CTNNA2: variants seen among roughly 807,000 people sequenced by gnomAD.
CTNNA2 encodes catenin alpha-2.
In CTNNA2, 42 loss-of-function variants were observed where a neutral mutation model predicts 101.0. That is an observed-to-expected ratio of 0.42 (90% CI 0.32 to 0.54). The LOEUF (loss-of-function observed/expected upper bound fraction) is 0.54, where lower values mean the gene tolerates loss of function less well. CTNNA2 is among the 20% of genes least tolerant of loss of function. CTNNA2 has a pLI of 0.14. For missense variants in CTNNA2, 871 were observed against 1,223.1 expected, an observed-to-expected ratio of 0.71 and a Z score of 4.29; for synonymous variants, 450 against 456.4, an observed-to-expected ratio of 0.99 and a Z score of 0.18.
intron 2 of CTNNA2, among the ~76,000 whole-genome samples, chr2:79,221,150 G>T (rs13016661): frequency 0.13 from 1,635 of 12,400 alleles, 26 homozygotes; most frequent in African/African-American, 0.24. Flanking sequence ...AATTTGTTTT[G>T]TTTTTGTTGT....
chr2:80,085,979 G>A (rs1029709072), intron 7 of CTNNA2, among the ~76,000 whole-genome samples: 1 of 152,066 alleles, frequency 6.6e-6, no homozygotes, highest in Admixed American at 6.6e-5. Flanking sequence ...GTATAGCTCT[G>A]TATTTAGATG....
chr2:79,350,377 CAT>C (rs1186393063), intron 3 of CTNNA2, among the ~76,000 whole-genome samples: 1 of 152,118 alleles, frequency 6.6e-6, no homozygotes, highest in Non-Finnish European at 1.5e-5. Flanking sequence ...TAACTGAAAA[CAT>C]GTGGAATTTG....
intron 4 of CTNNA2, among the ~76,000 whole-genome samples, chr2:79,451,871 G>A (rs1202643923): frequency 1.3e-5 from 2 of 151,584 alleles, no homozygotes; most frequent in Non-Finnish European, 1.5e-5. Context: ...TTGTATATAT[G>A]TATACAAACT....
chr2:80,025,926 A>C (rs1574572763), intron 7 of CTNNA2, among the ~76,000 whole-genome samples: 1 of 152,300 alleles, frequency 6.6e-6, no homozygotes, highest in South Asian at 2.1e-4. Context: ...GTTTTCCTGG[A>C]GCTTACATGC....
intron 7 of CTNNA2, among the ~76,000 whole-genome samples, chr2:80,391,862 G>C (rs1454463122): frequency 6.6e-6 from 1 of 152,224 alleles, no homozygotes; most frequent in East Asian, 1.9e-4. Flanking sequence ...GTCTACATCT[G>C]AAAGAGTGAG....
intron 7 of CTNNA2, among the ~76,000 whole-genome samples, chr2:80,166,150 G>T (rs1704677887): frequency 6.6e-6 from 1 of 152,116 alleles, no homozygotes; most frequent in African/African-American, 2.4e-5. Context: ...TTTCTGAGTG[G>T]TAGGAGTGAG....
chr2:79,857,673 T>C (rs564674625), intron 3 of CTNNA2, among the ~76,000 whole-genome samples: 1 of 152,296 alleles, frequency 6.6e-6, no homozygotes, highest in East Asian at 1.9e-4. Context: ...TTGCCTGGTA[T>C]CATTGGTTCC....
At chr2:80,031,084 C>A (rs1329134620) in intron 7 of CTNNA2, among the ~76,000 whole-genome samples, 2 of 151,688 alleles carry the variant, frequency 1.3e-5, no homozygotes, top group Non-Finnish European at 2.9e-5. Flanking sequence ...ATCTTTTGAC[C>A]CAATAATCCC....
chr2:79,783,669 C>A (rs1252620377), intron 3 of CTNNA2, among the ~76,000 whole-genome samples: 1 of 152,094 alleles, frequency 6.6e-6, no homozygotes, highest in Admixed American at 6.6e-5. Flanking sequence ...CAGGACTTCC[C>A]TCCCTTCACT....
intron 7 of CTNNA2, among the ~76,000 whole-genome samples, chr2:80,030,102 A>G (rs1048578704): frequency 1.3e-5 from 2 of 152,166 alleles, no homozygotes; most frequent in Non-Finnish European, 2.9e-5. Flanking sequence ...AAAGGCATCT[A>G]AGTGGAAAAC....
At chr2:79,247,175 A>T (rs577596554) in intron 2 of CTNNA2, among the ~76,000 whole-genome samples, 1 of 152,278 alleles carries the variant, frequency 6.6e-6, no homozygotes, top group Non-Finnish European at 1.5e-5. Flanking sequence ...GTGATCTCCC[A>T]CTGACTTACC....
chr2:80,582,674 A>G (rs1387261239), intron 14 of CTNNA2, among the ~76,000 whole-genome samples: 1 of 152,308 alleles, frequency 6.6e-6, no homozygotes. Flanking sequence ...CTCAGTTTCC[A>G]AAGAGTAAAA....
intron 7 of CTNNA2, among the ~76,000 whole-genome samples, chr2:80,391,390 G>C (rs1172579160): frequency 6.6e-6 from 1 of 152,116 alleles, no homozygotes; most frequent in African/African-American, 2.4e-5. Context: ...TGTATCTAAA[G>C]TGTCTCAATT....
chr2:79,713,630 C>T (rs1685885249), intron 2 of CTNNA2, among the ~76,000 whole-genome samples: 1 of 152,078 alleles, frequency 6.6e-6, no homozygotes, highest in Non-Finnish European at 1.5e-5. Flanking sequence ...CTAGTCACTT[C>T]CTGTGACACA....
At chr2:79,467,771 C>T (rs1254709011) in intron 4 of CTNNA2, among the ~76,000 whole-genome samples, 1 of 152,132 alleles carries the variant, frequency 6.6e-6, no homozygotes, top group East Asian at 1.9e-4. Flanking sequence ...CATATCCAGG[C>T]AAACTAAGCT....
intron 1 of CTNNA2, among the ~76,000 whole-genome samples, chr2:79,558,778 C>T (rs1674596775): frequency 6.6e-6 from 1 of 151,880 alleles, no homozygotes; most frequent in Non-Finnish European, 1.5e-5. Flanking sequence ...ACAATGGGAG[C>T]TTTTTATTTT....
intron 8 of CTNNA2, among the ~76,000 whole-genome samples, chr2:80,412,037 C>T (rs1679620354): frequency 6.6e-6 from 1 of 152,108 alleles, no homozygotes; most frequent in Non-Finnish European, 1.5e-5. Flanking sequence ...CACCCAGCAA[C>T]CGTGGGCTCC....
chr2:79,397,131 T>C (rs1434399731), intron 4 of CTNNA2, among the ~76,000 whole-genome samples: 3 of 152,166 alleles, frequency 2.0e-5, no homozygotes, highest in African/African-American at 7.2e-5. Context: ...ATACATGTGA[T>C]ATTTTGATAC....
At chr2:79,953,759 A>G (rs1350471128) in intron 7 of CTNNA2, among the ~76,000 whole-genome samples, 1 of 152,176 alleles carries the variant, frequency 6.6e-6, no homozygotes, top group East Asian at 1.9e-4. Flanking sequence ...GAAGGGAATG[A>G]TATTTGGTAA....
Sources: gnomAD v4.1 joint callset for allele counts (sites outside exome capture counted in the v4.1 genomes callset) on GRCh38, gnomAD v4.1.1 for gene constraint, MANE v1.5 for transcripts, NCBI Gene and HGNC (gene_info 2026-07-23, HGNC 2026-07-21) for gene names.